Variants in PSIP1 observed in about 807,000 individuals in gnomAD.
PSIP1 encodes PC4 and SFRS1-interacting protein.
A neutral mutation model predicts 74.7 loss-of-function variants in PSIP1; 19 were observed. That is an observed-to-expected ratio of 0.25 (90% CI 0.18 to 0.37). The LOEUF is 0.37. PSIP1 is among the 10% of genes least tolerant of loss of function. The pLI is 1.00. For synonymous variants in PSIP1, 222 were observed against 195.3 expected, an observed-to-expected ratio of 1.14 and a Z score of -1.14; for missense variants, 601 against 614.3, an observed-to-expected ratio of 0.98 and a Z score of 0.23.
At chr9:15,465,723 G>C (rs1032740537) in intron 15 of PSIP1, 143 bp from the exon 16 acceptor site, 10 of 605,000 alleles carry the variant, frequency 1.7e-5, no homozygotes, top group Non-Finnish European at 2.8e-5. Context: ...CTTGTTATTA[G>C]AACAGTCATT....
At chr9:15,506,952 T>C (rs73644655) in intron 2 of PSIP1, among the ~76,000 whole-genome samples, 4,134 of 152,320 alleles carry the variant, frequency 0.027, 90 homozygotes, top group East Asian at 0.11. Context: ...CAGCAAAATA[T>C]ATGGCATATG....
intron 3 of PSIP1, among the ~76,000 whole-genome samples, chr9:15,498,429 A>G (rs952084266): frequency 1.3e-5 from 2 of 152,072 alleles, no homozygotes; most frequent in Non-Finnish European, 2.9e-5. Context: ...ACACAAAACA[A>G]AACAAAAAAA....
intron 14 of PSIP1, 137 bp from the exon 15 acceptor site, chr9:15,466,996 A>C (rs1158666997): frequency 9.1e-6 from 6 of 662,774 alleles, no homozygotes; most frequent in Non-Finnish European, 1.6e-5. Flanking sequence ...TTGAAATTAC[A>C]TTGTAATACA....
At position 15,497,325 on chromosome 9, in the gene PSIP1, C is replaced by CTTTTTTTTTTTTTTTTTTTTT. The variant is rs767922897; in HGVS notation, c.150-7202_150-7201insAAAAAAAAAAAAAAAAAAAAA. Among the ~76,000 whole-genome samples the CTTTTTTTTTTTTTTTTTTTTT allele has an allele frequency of 6.6e-3, 781 of 118,406 alleles. 67 individuals carry two copies. The highest frequency in any genetic ancestry group is 0.012 in the African/African-American group (310 of 24,814). 77.7% of individuals were successfully genotyped at this position (118,406 alleles called of 152,430 possible). A position where few individuals can be genotyped will look rare whatever the true frequency, so the allele number is the denominator to read the frequency against. On this transcript the variant is annotated intron_variant, in intron 3 of 15. Transcript: ENST00000380733. ...CTGAAGACCACACGTTCTATGATTC[C>CTTTTTTTTTTTTTTTTTTTTT]TTTTTTTTTTTTTTTTGAGACAGAG...
At chr9:15,501,152 T>C (rs193294914) in intron 3 of PSIP1, among the ~76,000 whole-genome samples, 2 of 152,242 alleles carry the variant, frequency 1.3e-5, no homozygotes, top group East Asian at 1.9e-4. Flanking sequence ...CAAGGTTATA[T>C]AGCAGGTAAA....
In PSIP1 at chr9:15,465,313, ATTTAC is replaced by A; in HGVS notation, c.*202_*206del. 1 of 477,300 alleles carries A rather than the reference ATTTAC, an allele frequency of 2.1e-6. No homozygotes were observed. Among genetic ancestry groups the A allele is most frequent in the Non-Finnish European group, 3.6e-6 (1 of 275,062 alleles). 29.6% of individuals were successfully genotyped at this position (477,300 alleles called of 1,614,324 possible). A position where few individuals can be genotyped will look rare whatever the true frequency, so the allele number is the denominator to read the frequency against. On this transcript the variant is annotated 3_prime_UTR_variant, in exon 16 of 16. Coordinates refer to ENST00000380733, the MANE Select transcript of PSIP1 (RefSeq NM_033222.5). ...ATTTTCTAAATGGATTTTATCCCAC[ATTTAC>A]TGTATAATGTAGCTGTTAATACTGC...
Position 15,498,607 on chromosome 9 carries a change from A to C in PSIP1, c.149+7954T>G, listed in dbSNP as rs539649581. Among the ~76,000 whole-genome samples, 5 of 152,330 alleles carry C rather than the reference A, an allele frequency of 3.3e-5. No individual in the cohort carries two copies. The South Asian group carries it at 1.0e-3, about 32-fold the overall frequency. ...TCACTATACTACTTCCCAAGGGTAC[A>C]ACCTTGTGCAGCTGTGGTTCTGATT... is the stretch of plus-strand genomic sequence containing the variant. On this transcript the variant is annotated intron_variant, in intron 3 of 15. Transcript: ENST00000380733.
At chr9:15,484,704 G>A (rs969886168) in intron 6 of PSIP1, among the ~76,000 whole-genome samples, 12 of 151,366 alleles carry the variant, frequency 7.9e-5, no homozygotes, top group Non-Finnish European at 1.3e-4. Context: ...TTCAGCTGGG[G>A]CAACAGTGTG....
intron 14 of PSIP1, 83 bp downstream of exon 14, chr9:15,468,547 C>G (rs1454527997): frequency 4.9e-6 from 7 of 1,423,526 alleles, no homozygotes; most frequent in Admixed American, 3.4e-5. Context: ...CACAGTGAAA[C>G]TATGTATGAA....
chr9:15,477,960 C>A (rs573462413), intron 8 of PSIP1, among the ~76,000 whole-genome samples: 1 of 150,776 alleles, frequency 6.6e-6, no homozygotes, highest in African/African-American at 2.4e-5. Flanking sequence ...AACGATGAGA[C>A]CAGTCTCATC....
chr9:15,484,554 A>C (rs1394480307), intron 6 of PSIP1, among the ~76,000 whole-genome samples: 1 of 151,816 alleles, frequency 6.6e-6, no homozygotes, highest in African/African-American at 2.4e-5. Context: ...GTAAAACCTC[A>C]TCTCTCCTAA....
At chr9:15,495,241 A>T (rs2037020979) in intron 3 of PSIP1, among the ~76,000 whole-genome samples, 2 of 152,138 alleles carry the variant, frequency 1.3e-5, no homozygotes, top group Non-Finnish European at 2.9e-5. Context: ...TTTTTTAAAG[A>T]TATGGCTCTA....
At chr9:15,488,830 G>T (rs962268559) in intron 4 of PSIP1, among the ~76,000 whole-genome samples, 1 of 151,976 alleles carries the variant, frequency 6.6e-6, no homozygotes, top group Non-Finnish European at 1.5e-5. Context: ...GACCATCCTG[G>T]CTAACACGGT....
intron 9 of PSIP1, among the ~76,000 whole-genome samples, chr9:15,473,181 T>C (rs2035916867): frequency 6.6e-6 from 1 of 152,158 alleles, no homozygotes; most frequent in South Asian, 2.1e-4. Context: ...TACACAAAAT[T>C]TTATTTTTCT....
chr9:15,488,821 A>T (rs182697821), intron 4 of PSIP1, among the ~76,000 whole-genome samples: 111 of 151,624 alleles, frequency 7.3e-4, no homozygotes, highest in Non-Finnish European at 9.9e-4. Context: ...GGAGATCGAG[A>T]CCATCCTGGC....
chr9:15,489,102 A>T (rs2036705665), intron 4 of PSIP1, among the ~76,000 whole-genome samples: 1 of 152,214 alleles, frequency 6.6e-6, no homozygotes, highest in African/African-American at 2.4e-5. Flanking sequence ...TAGGATAAAA[A>T]CAATACAAAT....
intron 10 of PSIP1, chr9:15,471,201 T>A (rs2035812081): frequency 6.8e-6 from 11 of 1,607,054 alleles, no homozygotes; most frequent in Non-Finnish European, 9.4e-6. Flanking sequence ...TGAGATATAT[T>A]TTTTATTACT....
intron 8 of PSIP1, among the ~76,000 whole-genome samples, 183 bp downstream of exon 8, chr9:15,478,290 GATAA>G (rs1026420562): frequency 1.3e-5 from 2 of 151,726 alleles, no homozygotes; most frequent in African/African-American, 2.4e-5. Context: ...TTAATGAAAT[GATAA>G]ATAGCCATTC....
At chr9:15,495,277 C>T (rs2037022002) in intron 3 of PSIP1, among the ~76,000 whole-genome samples, 1 of 150,632 alleles carries the variant, frequency 6.6e-6, no homozygotes, top group Non-Finnish European at 1.5e-5. Context: ...GAAGACTGAT[C>T]TACCACAAAG....
Sources: gnomAD v4.1 joint callset for allele counts (sites outside exome capture counted in the v4.1 genomes callset) on GRCh38, gnomAD v4.1.1 for gene constraint, MANE v1.5 for transcripts, NCBI Gene and HGNC (gene_info 2026-07-23, HGNC 2026-07-21) for gene names.